P4HA1: variants seen among roughly 807,000 people sequenced by gnomAD.
P4HA1 encodes the protein prolyl 4-hydroxylase subunit alpha 1.
A neutral mutation model predicts 72.8 loss-of-function variants in P4HA1; 24 were observed. That is an observed-to-expected ratio of 0.33 (90% confidence interval 0.24 to 0.46). The LOEUF is 0.46. P4HA1 is among the 20% of genes least tolerant of loss of function. P4HA1 has a pLI of 1.00. For missense variants in P4HA1, 446 were observed against 640.6 expected, an observed-to-expected ratio of 0.70 and a Z score of 3.28; for synonymous variants, 201 against 218.8, an observed-to-expected ratio of 0.92 and a Z score of 0.72.
At chr10:73,013,949 T>C (rs931977621) in intron 12 of P4HA1, among the ~76,000 whole-genome samples, 1 of 152,164 alleles carries the variant, frequency 6.6e-6, no homozygotes, top group African/African-American at 2.4e-5. Flanking sequence ...ATATTATATA[T>C]TACTAAACAG....
At chr10:73,074,967 G>A (rs1181632742) in intron 1 of P4HA1, 52 bp from the exon 2 acceptor site, 3 of 667,814 alleles carry the variant, frequency 4.5e-6, no homozygotes, top group Non-Finnish European at 7.9e-6. Flanking sequence ...ACAAAGAGAA[G>A]GAAAAGTTCC....
At chr10:73,009,971 CTT>C (rs377598550) in intron 13 of P4HA1, 68 bp from the exon 14 acceptor site, 12,525 of 629,414 alleles carry the variant, frequency 0.02, no homozygotes, top group South Asian at 0.027. Context: ...GTAGTTATTA[CTT>C]TTTTTTTTTT....
At chr10:73,049,151 T>C (rs1377541792) in intron 7 of P4HA1, among the ~76,000 whole-genome samples, 1 of 151,470 alleles carries the variant, frequency 6.6e-6, no homozygotes, top group African/African-American at 2.4e-5. Context: ...AGTCTAACAG[T>C]GTCACCATCT....
intron 5 of P4HA1, among the ~76,000 whole-genome samples, chr10:73,057,835 C>T (rs1160718202): frequency 6.6e-6 from 1 of 151,900 alleles, no homozygotes; most frequent in Non-Finnish European, 1.5e-5. Flanking sequence ...GTGGCTCACA[C>T]CGGTAATTTG....
At chr10:73,060,734 C>G (rs1252131237) in intron 5 of P4HA1, among the ~76,000 whole-genome samples, 2 of 152,088 alleles carry the variant, frequency 1.3e-5, no homozygotes, top group Non-Finnish European at 2.9e-5. Context: ...AAAAACAAGC[C>G]TATCTAAAGA....
rs546924517 is a variant in P4HA1 at position 73,045,075 on chromosome 10, G to C, written c.1078-24C>G. ...AGCTGTGAAGCCAACCATCAAAATA[G>C]TTGCATTACAAAACAAAAAACTGAA... On this transcript the variant is annotated intron_variant, in intron 8 of 14. Coordinates refer to ENST00000394890, the MANE Select transcript of P4HA1 (RefSeq NM_001017962.3). The C allele has an allele frequency of 1.9e-6, 3 of 1,601,576 alleles. No individual in the cohort carries two copies. In the Admixed American group the frequency reaches 5.1e-5, roughly 27 times the overall value.
chr10:73,095,071 T>A (rs1454347464), intron 1 of P4HA1, among the ~76,000 whole-genome samples: 1 of 152,122 alleles, frequency 6.6e-6, no homozygotes, highest in East Asian at 1.9e-4. Context: ...TGTCATCAGC[T>A]ATCAAAAACA....
chr10:73,054,667 A>G (rs1422455334), intron 5 of P4HA1, among the ~76,000 whole-genome samples: 2 of 152,242 alleles, frequency 1.3e-5, no homozygotes, highest in Non-Finnish European at 2.9e-5. Flanking sequence ...CGTTTTGAGG[A>G]ACTGCCAAAC....
intron 9 of P4HA1, among the ~76,000 whole-genome samples, chr10:73,033,813 T>A (rs973529470): frequency 9.9e-5 from 15 of 152,224 alleles, no homozygotes; most frequent in African/African-American, 3.4e-4. Context: ...TTTGTGACGT[T>A]GGACGAAGCA....
chr10:73,096,709 G>A (rs1842177074), intron 1 of P4HA1, 57 bp downstream of exon 1: 1 of 153,534 alleles, frequency 6.5e-6, no homozygotes, highest in Admixed American at 6.5e-5. Context: ...GCAGCCGTCC[G>A]AGAAGGTCCA....
chr10:73,044,071 A>G, intron 9 of P4HA1: 1 of 578,510 alleles, frequency 1.7e-6, no homozygotes, highest in South Asian at 3.0e-5. Context: ...ATTGGTCTGG[A>G]TGGTGGGTAA....
chr10:73,020,708 A>G (rs376491598), intron 10 of P4HA1, among the ~76,000 whole-genome samples: 34 of 152,316 alleles, frequency 2.2e-4, no homozygotes, highest in Admixed American at 7.2e-4. Context: ...GCACATCAAA[A>G]AGTTAATTTA....
chr10:73,017,906 G>A (rs779525663), intron 10 of P4HA1, among the ~76,000 whole-genome samples: 7 of 152,176 alleles, frequency 4.6e-5, no homozygotes, highest in Non-Finnish European at 7.3e-5. Flanking sequence ...AAAATCAAAG[G>A]AGAACATAAT....
intron 10 of P4HA1, among the ~76,000 whole-genome samples, chr10:73,025,040 A>G (rs1840232559): frequency 6.6e-6 from 1 of 152,248 alleles, no homozygotes; most frequent in African/African-American, 2.4e-5. Context: ...TCACAGCCGA[A>G]TTCTATCAGA....
chr10:73,024,087 G>A (rs1484045573), intron 10 of P4HA1, among the ~76,000 whole-genome samples: 1 of 152,080 alleles, frequency 6.6e-6, no homozygotes, highest in Admixed American at 6.6e-5. Context: ...CAAGACAGAA[G>A]GTTAACAAGA....
intron 7 of P4HA1, among the ~76,000 whole-genome samples, chr10:73,050,165 CAAAAA>C (rs549704773): frequency 1.2e-5 from 1 of 83,024 alleles, no homozygotes; most frequent in Admixed American, 1.4e-4. Context: ...GTTTCTGTCT[CAAAAA>C]AAAAAAAAAA....
intron 11 of P4HA1, among the ~76,000 whole-genome samples, chr10:73,014,830 TC>T: frequency 6.7e-6 from 1 of 149,776 alleles, no homozygotes; most frequent in Admixed American, 6.6e-5. Flanking sequence ...TTTTCTTTTT[TC>T]TTTTTTTTTT....
intron 6 of P4HA1, among the ~76,000 whole-genome samples, 200 bp from the exon 7 acceptor site, chr10:73,051,449 A>G (rs1223651883): frequency 6.6e-6 from 1 of 152,202 alleles, no homozygotes; most frequent in African/African-American, 2.4e-5. Flanking sequence ...AAATCAGGAC[A>G]TATAGTCACC....
intron 9 of P4HA1, among the ~76,000 whole-genome samples, chr10:73,038,453 ATTAT>A (rs879832774): frequency 1.3e-5 from 2 of 152,058 alleles, no homozygotes; most frequent in Non-Finnish European, 2.9e-5. Context: ...TGCATAGGTC[ATTAT>A]TTATATTACT....
Sources: gnomAD v4.1 joint callset for allele counts (sites outside exome capture counted in the v4.1 genomes callset) on GRCh38, gnomAD v4.1.1 for gene constraint, MANE v1.5 for transcripts, NCBI Gene and HGNC (gene_info 2026-07-23, HGNC 2026-07-21) for gene names.